WNT7B: variants seen among roughly 807,000 people sequenced by gnomAD.
WNT7B encodes the protein protein Wnt-7b.
WNT7B carries 19 observed loss-of-function variants against 38.2 expected under a neutral mutation model. The observed-to-expected ratio is 0.50, with a 90% CI of 0.35 to 0.73. The LOEUF is 0.73. Among genes scored for constraint, WNT7B ranks in the 30% least tolerant of loss-of-function variants. WNT7B has a pLI of 0.01. For synonymous variants in WNT7B, 243 were observed against 209.3 expected (o/e 1.16, Z -1.39); for missense variants, 423 against 507.9 (o/e 0.83, Z 1.61).
At chr22:45,958,444 G>T (rs77445806) in intron 1 of WNT7B, among the ~76,000 whole-genome samples, 37 of 152,190 alleles carry the variant, frequency 2.4e-4, no homozygotes, top group Non-Finnish European at 5.0e-4. Context: ...GCCTCCCCCA[G>T]CAGGTAGGAG....
In WNT7B at chr22:45,965,184, T is replaced by C. The variant is rs539713547; in HGVS notation, c.71+11500A>G. 5.3e-5 allele frequency among the ~76,000 whole-genome samples: 8 copies of C among 152,246 alleles called. No individual in the cohort carries two copies. In the South Asian group the frequency reaches 8.3e-4, roughly 16 times the overall value. On this transcript the variant is annotated intron_variant, in intron 1 of 3. Transcript: ENST00000339464. This position sits in a 1 kb window ranked among gnomAD's most constrained non-coding sequence, Gnocchi z 6.5. ...AGGTCTTTGCCCACGTCTGTCCCTT[T>C]CCCAGGAACCCACCTTCCTTCCCTC...
chr22:45,967,377 C>G, intron 1 of WNT7B, among the ~76,000 whole-genome samples: 1 of 152,198 alleles, frequency 6.6e-6, no homozygotes, highest in East Asian at 1.9e-4. Context: ...TACCGCCTCT[C>G]CATCTGCTGG....
chr22:45,940,498 A>C (rs1019386465), intron 2 of WNT7B, among the ~76,000 whole-genome samples: 1 of 152,100 alleles, frequency 6.6e-6, no homozygotes, highest in Admixed American at 6.6e-5. Flanking sequence ...CGTTATTGCC[A>C]CCTGTGTGTC....
rs1397086306 is a variant in WNT7B, at chr22:45,922,874, C to T, written c.1032G>A (p.Glu344=). 2 of 1,601,770 alleles carry T rather than the reference C, an allele frequency of 1.2e-6. No homozygotes were observed. The highest frequency in any genetic ancestry group is 2.7e-5 in the African/African-American group (2 of 74,740). The change falls in exon 4 of 4, where the codon GAG becomes GAA. Residue 344 remains glutamate (E), a synonymous_variant. Coordinates refer to ENST00000339464, the MANE Select transcript of WNT7B (RefSeq NM_058238.3). The stretch of plus-strand genomic sequence containing the variant: ...CCTGGCCTCACTTGCAGGTGAAGAC[C>T]TCGGTGCGCTCGCTGCAGGTGTTGC... The part of the protein sequence containing the change: ...VKCNTCSERT[E]VFTCK
intron 1 of WNT7B, among the ~76,000 whole-genome samples, chr22:45,970,249 C>T (rs1472501556): frequency 6.6e-6 from 1 of 152,200 alleles, no homozygotes; most frequent in Non-Finnish European, 1.5e-5. Context: ...CTGTCCCCGA[C>T]GACCCAGGCC....
chr22:45,971,052 G>T (rs748746054), intron 1 of WNT7B, among the ~76,000 whole-genome samples: 1 of 152,202 alleles, frequency 6.6e-6, no homozygotes, highest in Non-Finnish European at 1.5e-5. Context: ...AAGGAAAACT[G>T]GTAGGATAGT....
rs187314867 is a variant in WNT7B, at chr22:45,930,754, C to T, written c.570+344G>A. ...AGGTGACCTCCGGGACCAGGAACGCCAAGGGCAGGGACATGGGCTGTGGCC... is the reference window on the plus strand; with the variant it reads ...AGGTGACCTCCGGGACCAGGAACGCTAAGGGCAGGGACATGGGCTGTGGCC... On this transcript the variant is annotated intron_variant, in intron 3 of 3. Transcript: ENST00000339464. Among the ~76,000 whole-genome samples the T allele has an allele frequency of 2.0e-5, 3 of 152,320 alleles. No individual in the cohort carries two copies. The East Asian group carries it at 5.8e-4, about 29-fold the overall frequency.
intron 1 of WNT7B, among the ~76,000 whole-genome samples, chr22:45,969,892 C>T (rs1932394648): frequency 1.3e-5 from 2 of 152,216 alleles, no homozygotes; most frequent in Admixed American, 6.5e-5. Context: ...CCATCGAGTG[C>T]GCCTGCAGTG....
rs372273936 is a variant in WNT7B, at chr22:45,932,970, C to A, written c.299-1601G>T. 2.3e-4 allele frequency among the ~76,000 whole-genome samples: 35 copies of A among 152,336 alleles called. No individual in the cohort carries two copies. The South Asian group carries it at 6.8e-3, about 30-fold the overall frequency. On this transcript the variant is annotated intron_variant, in intron 2 of 3. Transcript: ENST00000339464. ...AGGCAAGTCAGGTCTGTTCTATGAA[C>A]AACTACTGAGCACCAACGGCATGCC...
chr22:45,953,237 TC>T (rs1931978906), intron 1 of WNT7B, among the ~76,000 whole-genome samples: 1 of 106,210 alleles, frequency 9.4e-6, no homozygotes, highest in Non-Finnish European at 2.0e-5. Context: ...CGGCTTCCCC[TC>T]ACAGTCACCG....
At chr22:45,925,116 C>T (rs1931042342) in intron 3 of WNT7B, 1 of 976,720 alleles carries the variant, frequency 1.0e-6, no homozygotes, top group Non-Finnish European at 1.2e-6. Context: ...CAGATGAGTG[C>T]TGGGTGGGCC....
intron 3 of WNT7B, among the ~76,000 whole-genome samples, chr22:45,930,146 C>T (rs146475176): frequency 1.1e-4 from 17 of 152,364 alleles, no homozygotes; most frequent in South Asian, 2.1e-4. Context: ...AAGCCCTCAC[C>T]GTCCTGGGTG....
intron 3 of WNT7B, chr22:45,927,363 C>T (rs112772264): frequency 0.044 from 65,902 of 1,483,528 alleles, 2,365 homozygotes; most frequent in Admixed American, 0.18. Flanking sequence ...GGGGGCAGGG[C>T]GGGGGCGGGC....
intron 1 of WNT7B, among the ~76,000 whole-genome samples, chr22:45,954,304 C>T (rs1932009474): frequency 6.6e-6 from 1 of 152,156 alleles, no homozygotes; most frequent in Non-Finnish European, 1.5e-5. Flanking sequence ...GAATTTCCAT[C>T]TGGGGTGATG....
intron 1 of WNT7B, among the ~76,000 whole-genome samples, chr22:45,957,822 A>G (rs998697967): frequency 6.6e-6 from 1 of 151,146 alleles, no homozygotes; most frequent in African/African-American, 2.4e-5. Context: ...CACACGCTCC[A>G]TGGGGCTGCT....
rs575701253 is a variant in WNT7B at position 45,933,194 on chromosome 22, C to T, written c.299-1825G>A. ...CGTCATGGAGGGAGCCACAGCTTCC[C>T]GGGAACTTCCTTCCTGAGAAGAACT... On this transcript the variant is annotated intron_variant, in intron 2 of 3. Transcript: ENST00000339464. 8.5e-4 allele frequency among the ~76,000 whole-genome samples: 129 copies of T among 152,232 alleles called. 1 individual carries two copies. The highest frequency in any genetic ancestry group is 2.9e-3 in the African/African-American group (120 of 41,534).
intron 2 of WNT7B, among the ~76,000 whole-genome samples, chr22:45,935,303 T>C (rs1193302564): frequency 1.3e-5 from 2 of 152,166 alleles, no homozygotes; most frequent in African/African-American, 4.8e-5. Context: ...TCCAGTGCCT[T>C]GGCCTGGCCC....
chr22:45,942,999 CGTGTATGTGTGCAGTGTGCAT>C (rs1931696320), intron 2 of WNT7B, among the ~76,000 whole-genome samples: 1 of 139,902 alleles, frequency 7.1e-6, no homozygotes, highest in Non-Finnish European at 1.5e-5. Context: ...TGTGTGTAGG[CGTGTATGTGTGCAGTGTGCAT>C]GTGTATGTGT....
chr22:45,976,202 C>T lies in WNT7B; in HGVS notation c.71+482G>A, dbSNP rs1392974890. The stretch of plus-strand genomic sequence containing the variant: ...GATGGATAGAGACGAAGGGCCGCGG[C>T]GGGTGCCCCGGCCTGCGCGCTCGCG... On this transcript the variant is annotated intron_variant, in intron 1 of 3. Transcript: ENST00000339464. The surrounding 1 kb of genome is among the most constrained non-coding windows in gnomAD (Gnocchi z 8.5). Among the ~76,000 whole-genome samples the T allele has an allele frequency of 1.4e-5, 2 of 146,090 alleles. No individual in the cohort carries two copies. The highest frequency in any genetic ancestry group is 4.0e-4 in the East Asian group (2 of 5,034).
Sources: gnomAD v4.1 joint callset for allele counts (sites outside exome capture counted in the v4.1 genomes callset) on GRCh38, gnomAD v4.1.1 for gene constraint, Gnocchi (gnomAD v3.1) non-coding constraint, MANE v1.5 for transcripts, NCBI Gene and HGNC (gene_info 2026-07-23, HGNC 2026-07-21) for gene names.